Variants in DCC observed in about 807,000 individuals in gnomAD.
The protein encoded by DCC is DCC netrin 1 receptor.
A neutral mutation model predicts 172.5 loss-of-function variants in DCC; 58 were observed. That is an observed-to-expected ratio of 0.34 (90% CI 0.27 to 0.42). DCC has a LOEUF of 0.42. Ranked by LOEUF, DCC falls within the 10% of genes least tolerant of loss-of-function variation. The pLI is 1.00. For missense variants in DCC, 1,740 were observed against 1,791.0 expected (o/e 0.97, Z 0.51); for synonymous variants, 709 against 644.5 (o/e 1.10, Z -1.52).
At chr18:52,549,471 T>C (rs949571483) in intron 1 of DCC, among the ~76,000 whole-genome samples, 2 of 152,064 alleles carry the variant, frequency 1.3e-5, no homozygotes, top group Non-Finnish European at 2.9e-5. Context: ...GACTAATTTG[T>C]CTTTGTACCT....
intron 7 of DCC, among the ~76,000 whole-genome samples, chr18:53,153,057 T>C (rs1363513431): frequency 2.6e-5 from 4 of 152,050 alleles, no homozygotes; most frequent in Non-Finnish European, 4.4e-5. Context: ...CCTGGGTGGG[T>C]TGGAGATGCC....
intron 1 of DCC, among the ~76,000 whole-genome samples, chr18:52,535,864 A>G (rs1470484723): frequency 1.3e-5 from 2 of 152,182 alleles, no homozygotes; most frequent in Non-Finnish European, 2.9e-5. Context: ...TTATAAGAAA[A>G]GAGCCAAAGC....
chr18:53,334,862 CT>C (rs1246354054), intron 14 of DCC, among the ~76,000 whole-genome samples: 1 of 152,098 alleles, frequency 6.6e-6, no homozygotes, highest in East Asian at 1.9e-4. Context: ...TTTCTTCCAC[CT>C]TTTGGCTATT....
At chr18:53,312,639 CTT>C (rs1220668055) in intron 13 of DCC, among the ~76,000 whole-genome samples, 9 of 150,534 alleles carry the variant, frequency 6.0e-5, no homozygotes, top group South Asian at 2.1e-4. Flanking sequence ...GAAACCCCGT[CTT>C]TACTAAAAAT....
chr18:52,353,654 T>C (rs1396583085), intron 1 of DCC, among the ~76,000 whole-genome samples: 1 of 152,212 alleles, frequency 6.6e-6, no homozygotes, highest in African/African-American at 2.4e-5. Context: ...GAAAGCTCAG[T>C]GCAGGGTTTT....
chr18:52,398,146 T>C (rs929742924), intron 1 of DCC, among the ~76,000 whole-genome samples: 1 of 151,976 alleles, frequency 6.6e-6, no homozygotes, highest in African/African-American at 2.4e-5. Flanking sequence ...GGTAATAGAA[T>C]AGGATAGAGC....
At chr18:53,381,560 A>ACCC (rs747015453) in intron 15 of DCC, among the ~76,000 whole-genome samples, 5 of 93,596 alleles carry the variant, frequency 5.3e-5, no homozygotes, top group African/African-American at 7.7e-5. Flanking sequence ...TTTACCCCCC[A>ACCC]CCCCCCCCCC....
At chr18:52,815,988 C>G (rs1229133762) in intron 2 of DCC, among the ~76,000 whole-genome samples, 1 of 152,178 alleles carries the variant, frequency 6.6e-6, no homozygotes, top group East Asian at 1.9e-4. Flanking sequence ...ATAAACCAAC[C>G]AATTAGTGAA....
chr18:52,410,954 A>C (rs1313641146), intron 1 of DCC, among the ~76,000 whole-genome samples: 1 of 152,148 alleles, frequency 6.6e-6, no homozygotes, highest in African/African-American at 2.4e-5. Context: ...TACTTAAAGC[A>C]CCTGACAACT....
intron 12 of DCC, among the ~76,000 whole-genome samples, chr18:53,246,344 TC>T (rs2144648506): frequency 6.6e-6 from 1 of 152,148 alleles, no homozygotes; most frequent in South Asian, 2.1e-4. Context: ...TTAACTGGCT[TC>T]CTAGGATTTC....
At chr18:52,342,852 A>G (rs1257568703) in intron 1 of DCC, among the ~76,000 whole-genome samples, 1 of 149,610 alleles carries the variant, frequency 6.7e-6, no homozygotes, top group Non-Finnish European at 1.5e-5. Flanking sequence ...GCGTTTTATT[A>G]ATGTCTAAAT....
At chr18:52,519,306 G>T (rs1463052033) in intron 1 of DCC, among the ~76,000 whole-genome samples, 1 of 152,174 alleles carries the variant, frequency 6.6e-6, no homozygotes. Context: ...TCAAGAAGTG[G>T]ACTTTGTTAA....
intron 16 of DCC, among the ~76,000 whole-genome samples, chr18:53,391,321 C>T (rs1452164141): frequency 1.3e-5 from 2 of 151,976 alleles, no homozygotes; most frequent in Non-Finnish European, 2.9e-5. Flanking sequence ...CTGATCGATC[C>T]TGTAACTAGA....
chr18:53,236,210 C>G (rs1399573826), intron 12 of DCC, among the ~76,000 whole-genome samples: 12 of 152,094 alleles, frequency 7.9e-5, no homozygotes, highest in Admixed American at 7.9e-4. Flanking sequence ...TATGGAAATT[C>G]CAGTTGTCCA....
intron 1 of DCC, among the ~76,000 whole-genome samples, chr18:52,357,862 C>T (rs914853205): frequency 6.6e-6 from 1 of 150,954 alleles, no homozygotes; most frequent in Admixed American, 6.6e-5. Flanking sequence ...GGTGTGAACC[C>T]ACGAGGCGGA....
At chr18:52,684,314 T>G (rs995376574) in intron 1 of DCC, among the ~76,000 whole-genome samples, 4 of 152,078 alleles carry the variant, frequency 2.6e-5, no homozygotes, top group Non-Finnish European at 4.4e-5. Context: ...AACCAGCAAT[T>G]TAAAAATGTG....
rs552862477 is a variant in DCC, at chr18:52,781,674, T to A, written c.412+29300T>A. On this transcript the variant is annotated intron_variant, in intron 2 of 28. Coordinates refer to ENST00000442544, the MANE Select transcript of DCC (RefSeq NM_005215.4). ...TCATTTTTCAAAACAGCATGGGAAA[T>A]TCATTTTATTTATCTCTTATAAAGC... Among the ~76,000 whole-genome samples the A allele has an allele frequency of 4.4e-4, 67 of 152,216 alleles. No individual in the cohort carries two copies. The South Asian group carries it at 0.014, about 31-fold the overall frequency.
chr18:52,706,924 G>A (rs1207528312), intron 1 of DCC, among the ~76,000 whole-genome samples: 2 of 152,092 alleles, frequency 1.3e-5, no homozygotes, highest in Non-Finnish European at 2.9e-5. Flanking sequence ...CCCAGGGAGA[G>A]GCAATATCTA....
At chr18:53,407,557 T>TATATATATATATATA (rs1909742815) in intron 19 of DCC, among the ~76,000 whole-genome samples, 1 of 80,630 alleles carries the variant, frequency 1.2e-5, no homozygotes, top group Non-Finnish European at 2.8e-5. Flanking sequence ...ATATATATAT[T>TATATATATATATATA]CACTATTACT....
Sources: allele counts gnomAD v4.1 joint callset (sites outside exome capture counted in the v4.1 genomes callset), GRCh38; gene constraint gnomAD v4.1.1; transcripts MANE v1.5; gene names NCBI Gene and HGNC (gene_info 2026-07-23, HGNC 2026-07-21).